The following TRIM9 variants were observed in gnomAD, a reference collection of about 807,000 sequenced individuals.
The protein encoded by TRIM9 is E3 ubiquitin-protein ligase TRIM9.
Under a neutral mutation model 78.3 loss-of-function variants are expected in TRIM9, and 26 were observed. That is an observed-to-expected ratio of 0.33 (90% confidence interval 0.24 to 0.46). The LOEUF is 0.46. TRIM9 is among the 20% of genes least tolerant of loss of function. The pLI is 1.00. For missense variants in TRIM9, 787 were observed against 1,036.4 expected (o/e 0.76, Z 3.30); for synonymous variants, 398 against 416.5 (o/e 0.96, Z 0.54).
At chr14:51,042,920 G>A (rs2059677771) in intron 1 of TRIM9, among the ~76,000 whole-genome samples, 1 of 152,152 alleles carries the variant, frequency 6.6e-6, no homozygotes, top group Non-Finnish European at 1.5e-5. Flanking sequence ...TTCTAGGAAT[G>A]TAGGTATGTA....
intron 1 of TRIM9, among the ~76,000 whole-genome samples, chr14:51,055,657 A>G (rs2060838775): frequency 6.6e-6 from 1 of 152,230 alleles, no homozygotes. Context: ...AGGCAGGAAA[A>G]TGGATTGTCT....
At chr14:51,018,075 A>T (rs1388160933) in intron 3 of TRIM9, among the ~76,000 whole-genome samples, 1 of 152,164 alleles carries the variant, frequency 6.6e-6, no homozygotes, top group Admixed American at 6.6e-5. Flanking sequence ...GGGCAGTTGA[A>T]AGCTTCAAGT....
intron 5 of TRIM9, among the ~76,000 whole-genome samples, chr14:51,007,803 A>C (rs1273839568): frequency 1.7e-5 from 1 of 59,526 alleles, no homozygotes; most frequent in African/African-American, 5.1e-5. Context: ...ATTAAACCAA[A>C]AAAAAAAAAA....
chr14:51,051,783 A>T, intron 1 of TRIM9, among the ~76,000 whole-genome samples: 1 of 152,098 alleles, frequency 6.6e-6, no homozygotes. Flanking sequence ...CCTGGCCAAC[A>T]TAGTGAAACC....
rs1334676916 is a variant in TRIM9 at position 51,022,970 on chromosome 14, G to A, written c.919-13C>T. On this transcript the variant is annotated splice_polypyrimidine_tract_variant and intron_variant, in intron 2 of 12. Coordinates refer to ENST00000684578, the MANE Select transcript of TRIM9 (RefSeq NM_001387360.1). ...CCACACTGTTCTCCTGTGTAACAGA[G>A]CACATTTCTCAACTGCAAGCTGCTG... 1 of 1,613,362 alleles carries A rather than the reference G, an allele frequency of 6.2e-7. No individual in the cohort carries two copies. The highest frequency in any genetic ancestry group is 1.7e-5 in the Admixed American group (1 of 59,988).
At chr14:50,979,296 T>C in intron 12 of TRIM9, 91 bp downstream of exon 12, 1 of 1,606,578 alleles carries the variant, frequency 6.2e-7, no homozygotes. Context: ...CGCTGTCAGC[T>C]TCCCTCTCTT....
At chr14:51,031,309 C>T (rs1030817049) in intron 1 of TRIM9, among the ~76,000 whole-genome samples, 1 of 152,122 alleles carries the variant, frequency 6.6e-6, no homozygotes, top group Non-Finnish European at 1.5e-5. Flanking sequence ...CAGCTCAAGG[C>T]TGAATTCCTA....
chr14:51,000,062 A>G (rs1215782556), intron 6 of TRIM9, among the ~76,000 whole-genome samples: 1 of 152,186 alleles, frequency 6.6e-6, no homozygotes, highest in East Asian at 1.9e-4. Context: ...GAACAAAACT[A>G]TAGAACTGGG....
intron 5 of TRIM9, among the ~76,000 whole-genome samples, chr14:51,004,740 T>C (rs1348657987): frequency 1.3e-5 from 2 of 152,214 alleles, no homozygotes; most frequent in Non-Finnish European, 2.9e-5. Flanking sequence ...AGCTAGTAAG[T>C]GGCAGGACTG....
chr14:50,996,909 A>C (rs1293812712), intron 7 of TRIM9: 1 of 985,310 alleles, frequency 1.0e-6, no homozygotes, highest in Non-Finnish European at 1.2e-6. Context: ...GGGGCCTTTC[A>C]TCCTTGCTGT....
In TRIM9 at chr14:51,009,231, A is replaced by T. The variant is rs2139621726; in HGVS notation, c.1155T>A (p.Ile385=). 1 of 1,613,972 alleles carries T rather than the reference A, an allele frequency of 6.2e-7. No homozygotes were observed. Among genetic ancestry groups the T allele is most frequent in the East Asian group, 2.2e-5 (1 of 44,880 alleles). ...KENDPSGFLQ[I]SDALIRRVHL... is the part of the protein sequence containing the mutation. ...GCACTCTTCTTATGAGGGCGTCAGA[A>T]ATCTAATCAGATAAAGAGGACCACA... The change falls in exon 5 of 13, where the codon ATT becomes ATA. Residue 385 remains isoleucine, a splice_region_variant and synonymous_variant. Transcript: ENST00000684578.
chr14:50,998,214 G>GCACTTTT (rs1320805905), intron 6 of TRIM9, 26 bp from the exon 7 acceptor site: 2 of 1,610,140 alleles, frequency 1.2e-6, no homozygotes, highest in Non-Finnish European at 1.7e-6. Context: ...GAACAGGACA[G>GCACTTTT]CACTTAGCCT....
At chr14:51,063,818 T>C (rs74054026) in intron 1 of TRIM9, among the ~76,000 whole-genome samples, 3,801 of 152,232 alleles carry the variant, frequency 0.025, 161 homozygotes, top group African/African-American at 0.088. Flanking sequence ...AGGAGATTTA[T>C]ACTACAGGAA....
At chr14:51,016,029 A>G (rs1014864130) in intron 3 of TRIM9, among the ~76,000 whole-genome samples, 3 of 152,250 alleles carry the variant, frequency 2.0e-5, no homozygotes, top group Admixed American at 6.5e-5. Flanking sequence ...TCTCCTCAGT[A>G]TCTGTGGGGG....
chr14:50,993,059 C>G (rs2053725551), intron 7 of TRIM9, among the ~76,000 whole-genome samples: 1 of 152,150 alleles, frequency 6.6e-6, no homozygotes, highest in African/African-American at 2.4e-5. Flanking sequence ...CCAAGCAGGG[C>G]TCTGAGTGCC....
chr14:50,982,547 C>G (rs2052089839), intron 10 of TRIM9: 1 of 305,956 alleles, frequency 3.3e-6, no homozygotes, highest in Non-Finnish European at 6.2e-6. Context: ...AGGAAATATC[C>G]CTTCGGCAGA....
chr14:51,027,273 A>C (rs2058337135), intron 1 of TRIM9, among the ~76,000 whole-genome samples: 1 of 150,348 alleles, frequency 6.7e-6, no homozygotes, highest in African/African-American at 2.4e-5. Context: ...CCTCCCGAAT[A>C]GCTGGGATTA....
chr14:51,025,713 T>C (rs1044770650), intron 1 of TRIM9, among the ~76,000 whole-genome samples: 1 of 152,118 alleles, frequency 6.6e-6, no homozygotes, highest in Non-Finnish European at 1.5e-5. Flanking sequence ...AGTCAGATGA[T>C]CTAATTCTTA....
chr14:51,014,044 T>A (rs2056878132), intron 3 of TRIM9, among the ~76,000 whole-genome samples: 1 of 152,142 alleles, frequency 6.6e-6, no homozygotes, highest in Non-Finnish European at 1.5e-5. Context: ...GTCCGAATAA[T>A]AAGGACAGAT....
Sources: gnomAD v4.1 joint callset for allele counts (sites outside exome capture counted in the v4.1 genomes callset) on GRCh38, gnomAD v4.1.1 for gene constraint, MANE v1.5 for transcripts, NCBI Gene and HGNC (gene_info 2026-07-23, HGNC 2026-07-21) for gene names.